PREX1: variants seen among roughly 807,000 people sequenced by gnomAD.
PREX1 encodes phosphatidylinositol 3,4,5-trisphosphate-dependent Rac exchanger 1 protein.
A neutral mutation model predicts 198.3 loss-of-function variants in PREX1; 41 were observed. The observed-to-expected ratio is 0.21, with a 90% confidence interval of 0.16 to 0.27. The LOEUF is 0.27. Among genes scored for constraint, PREX1 ranks in the 10% least tolerant of loss-of-function variants. The pLI is 1.00. For synonymous variants in PREX1, 843 were observed against 887.2 expected (o/e 0.95, Z 0.89); for missense variants, 1,620 against 2,200.7 (o/e 0.74, Z 5.28).
chr20:48,803,222 T>C (rs531137148), intron 1 of PREX1, among the ~76,000 whole-genome samples: 21 of 152,116 alleles, frequency 1.4e-4, no homozygotes, highest in Non-Finnish European at 2.8e-4. Flanking sequence ...GCCAATCTCA[T>C]GCAAAACATG....
rs117910750 is a variant in PREX1 at position 48,690,110 on chromosome 20, C to T, written c.1186+837G>A. The stretch of plus-strand genomic sequence containing the variant: ...GAAGAGCAGGTTTGGGGCAGAAGGC[C>T]GGGGGAAATGAAGAGCTATGATTTA... On this transcript the variant is annotated intron_variant, in intron 9 of 39. Transcript: ENST00000371941. Among the ~76,000 whole-genome samples, 444 of 152,028 alleles carry T rather than the reference C, an allele frequency of 2.9e-3. 10 individuals carry two copies. The East Asian group carries it at 0.061, about 21-fold the overall frequency.
rs78313389 is a variant in PREX1, at chr20:48,633,226, T to A, written c.4268-587A>T. Reference sequence around the variant, plus strand: ...GCTGCCTATCAATTCCAATTGCTACTCAAAGAGAACCTGCCCTTCATCTAG... The same window carrying A: ...GCTGCCTATCAATTCCAATTGCTACACAAAGAGAACCTGCCCTTCATCTAG... On this transcript the variant is annotated intron_variant, in intron 33 of 39. Coordinates refer to ENST00000371941, the MANE Select transcript of PREX1 (RefSeq NM_020820.4). Among the ~76,000 whole-genome samples, 763 of 152,312 alleles carry A rather than the reference T, an allele frequency of 5.0e-3. 3 individuals are homozygous for A. The highest frequency in any genetic ancestry group is 8.1e-3 in the Non-Finnish European group (548 of 68,034).
In PREX1 at chr20:48,650,151, T is replaced by C. The variant is rs754472122; in HGVS notation, c.2873A>G (p.Glu958Gly). ...VSPPFKQAPL[E>G]PHPLCGLDFC... is the part of the protein sequence containing the mutation. ...GTCCAGGCCACACAGCGGGTGGGGCTCCAGGGGGGCTTGTTTGAAGGGTGG... is the reference window on the plus strand; with the variant it reads ...GTCCAGGCCACACAGCGGGTGGGGCCCCAGGGGGGCTTGTTTGAAGGGTGG... The change falls in exon 24 of 40, where the codon GAG (glutamate) becomes GGG (glycine). Residue 958 changes from glutamate to glycine, a missense_variant. Glu to Gly is a moderately conservative substitution (Grantham distance 98). Around this residue, in one of 7 missense-constraint regions of PREX1, gnomAD observed 514 missense variants for 611.6 expected, o/e 0.84. Transcript: ENST00000371941. 4 of 1,613,936 alleles carry C rather than the reference T, an allele frequency of 2.5e-6. No homozygotes were observed. In the Admixed American group the frequency reaches 5.0e-5, roughly 20 times the overall value.
At position 48,691,127 on chromosome 20, in the gene PREX1, G is replaced by C. The variant is rs771671599; in HGVS notation, c.1037-31C>G. On this transcript the variant is annotated intron_variant, in intron 8 of 39. Transcript: ENST00000371941. This position sits in a 1 kb window ranked among gnomAD's most constrained non-coding sequence, Gnocchi z 5.0. ...GGGGGCAGGAGGCAAAGGTGCAGCA[G>C]AGACTCAGCCGCGTGACCTTCAACA... The C allele has an allele frequency of 6.2e-7, 1 of 1,613,884 alleles. No individual in the cohort carries two copies. Among genetic ancestry groups the C allele is most frequent in the African/African-American group, 1.3e-5 (1 of 74,932 alleles).
chr20:48,799,265 ACT>A (rs1202238672), intron 1 of PREX1, among the ~76,000 whole-genome samples: 3 of 151,906 alleles, frequency 2.0e-5, no homozygotes, highest in Non-Finnish European at 4.4e-5. Context: ...AATTCTCAAG[ACT>A]CTCATATACA....
chr20:48,841,541 C>G, the PREX1 span, among the ~76,000 whole-genome samples: 1 of 152,046 alleles, frequency 6.6e-6, no homozygotes, highest in Non-Finnish European at 1.5e-5. Flanking sequence ...ACTTGGTAAA[C>G]GCTTGTTCTC....
At chr20:48,756,233 C>T (rs1231234415) in intron 1 of PREX1, among the ~76,000 whole-genome samples, 1 of 152,190 alleles carries the variant, frequency 6.6e-6, no homozygotes. Context: ...CAAGAATGTC[C>T]ACCACCCAGA....
In PREX1 at chr20:48,684,009, G is replaced by GGACAGTGTGAGGAGAGCTGGA. The variant is rs2089769847; in HGVS notation, c.1335-2695_1335-2675dup. Among the ~76,000 whole-genome samples the GGACAGTGTGAGGAGAGCTGGA allele has an allele frequency of 6.6e-6, 1 of 152,116 alleles. No individual in the cohort carries two copies. Among genetic ancestry groups the GGACAGTGTGAGGAGAGCTGGA allele is most frequent in the Admixed American group, 6.5e-5 (1 of 15,280 alleles). On this transcript the variant is annotated intron_variant, in intron 10 of 39. Coordinates refer to ENST00000371941, the MANE Select transcript of PREX1 (RefSeq NM_020820.4). The surrounding 1 kb of genome is among the most constrained non-coding windows in gnomAD (Gnocchi z 4.2). ...CAAGCTCCCAGAAAGACACAGCTCA[G>GGACAGTGTGAGGAGAGCTGGA]GACAGTGTGAGGAGAGCTGGAGATA...
intron 2 of PREX1, 21 bp downstream of exon 2, chr20:48,747,788 G>C: frequency 6.2e-7 from 1 of 1,604,186 alleles, no homozygotes; most frequent in Non-Finnish European, 8.5e-7. Flanking sequence ...CTAGAACAGG[G>C]GCCAGCCCCA....
chr20:48,887,756 C>T, the PREX1 span, among the ~76,000 whole-genome samples: 1 of 152,130 alleles, frequency 6.6e-6, no homozygotes, highest in African/African-American at 2.4e-5. Context: ...ACCATCCTGG[C>T]TAACACAGCG....
intron 39 of PREX1, among the ~76,000 whole-genome samples, chr20:48,627,038 T>C (rs1321051253): frequency 6.6e-6 from 1 of 152,164 alleles, no homozygotes; most frequent in Non-Finnish European, 1.5e-5. Context: ...ACAGAGAGCA[T>C]TCCTGCAAAT....
chr20:48,702,133 G>A (rs2089878264), intron 6 of PREX1, among the ~76,000 whole-genome samples: 1 of 151,780 alleles, frequency 6.6e-6, no homozygotes, highest in African/African-American at 2.4e-5. Context: ...GCTTGAACCC[G>A]GGAGGCAAAG....
chr20:48,768,364 G>A (rs1043237333), intron 1 of PREX1, among the ~76,000 whole-genome samples: 19 of 152,150 alleles, frequency 1.2e-4, no homozygotes, highest in Non-Finnish European at 2.5e-4. Flanking sequence ...GCTAACACAC[G>A]CAGCAAACTG....
the PREX1 span, among the ~76,000 whole-genome samples, chr20:48,869,170 C>T: frequency 6.6e-6 from 1 of 152,154 alleles, no homozygotes; most frequent in African/African-American, 2.4e-5. Flanking sequence ...CCACCATACC[C>T]AGCCAAGAAT....
intron 35 of PREX1, 130 bp downstream of exon 35, chr20:48,632,147 G>A (rs1437588118): frequency 4.9e-6 from 4 of 823,234 alleles, no homozygotes; most frequent in Admixed American, 1.9e-5. Flanking sequence ...CTGTCACACA[G>A]AAGGTGCTCA....
At chr20:48,777,096 G>A (rs1233807585) in intron 1 of PREX1, among the ~76,000 whole-genome samples, 3 of 152,136 alleles carry the variant, frequency 2.0e-5, no homozygotes, top group East Asian at 1.9e-4. Flanking sequence ...TTAGCAACTG[G>A]GAAGTGAGCT....
intron 1 of PREX1, among the ~76,000 whole-genome samples, chr20:48,805,936 C>T (rs747783103): frequency 2.6e-5 from 4 of 152,224 alleles, no homozygotes; most frequent in Non-Finnish European, 4.4e-5. Flanking sequence ...GCCAAAGCAG[C>T]GAACATGTGC....
chr20:48,628,594 G>C (rs2089290732), intron 37 of PREX1, among the ~76,000 whole-genome samples: 1 of 152,184 alleles, frequency 6.6e-6, no homozygotes, highest in South Asian at 2.1e-4. Flanking sequence ...CTAAAGGCCA[G>C]GAGCTCCTCC....
chr20:48,813,448 G>C (rs1476811688), intron 1 of PREX1, among the ~76,000 whole-genome samples: 1 of 152,174 alleles, frequency 6.6e-6, no homozygotes, highest in Non-Finnish European at 1.5e-5. Flanking sequence ...GGGAACACTT[G>C]GGGAGAAATA....
Sources: allele counts gnomAD v4.1 joint callset (sites outside exome capture counted in the v4.1 genomes callset), GRCh38; gene constraint gnomAD v4.1.1; regional missense constraint gnomAD v4.1.1; non-coding constraint Gnocchi (gnomAD v3.1); transcripts MANE v1.5; gene names NCBI Gene and HGNC (gene_info 2026-07-23, HGNC 2026-07-21).